Variants in ANKRD24 observed in about 807,000 individuals in gnomAD.
The protein encoded by ANKRD24 is ankyrin repeat domain 24, also known as ankyrin repeat domain-containing protein 24.
A neutral mutation model predicts 127.8 loss-of-function variants in ANKRD24; 109 were observed. The observed-to-expected ratio is 0.85, with a 90% CI of 0.73 to 1.00. ANKRD24 has a LOEUF of 1.00. Ranked by LOEUF, ANKRD24 falls within the 50% of genes least tolerant of loss-of-function variation. The probability of loss-of-function intolerance (pLI) is 0.00; values close to 1 mark genes in which losing one functional copy is unlikely to be tolerated. For missense variants in ANKRD24, 1,648 were observed against 1,570.2 expected (o/e 1.05, Z -0.84); for synonymous variants, 743 against 671.1 (o/e 1.11, Z -1.66).
rs909505206 is a variant in ANKRD24 at position 4,189,683 on chromosome 19, A to C, written c.36+3222A>C. 4.9e-4 allele frequency among the ~76,000 whole-genome samples: 74 copies of C among 151,928 alleles called. 1 individual carries two copies. The highest frequency in any genetic ancestry group is 3.2e-4 in the Non-Finnish European group (22 of 67,914). On this transcript the variant is annotated intron_variant, in intron 2 of 21. Coordinates refer to ENST00000318934, the MANE Select transcript of ANKRD24 (RefSeq NM_001393985.1). Reference sequence around the variant, plus strand: ...AGATGTGCAGTACTGTGCCCGGCTTATTTATTTTCATTTTTGTTGATTTTT... The same window carrying C: ...AGATGTGCAGTACTGTGCCCGGCTTCTTTATTTTCATTTTTGTTGATTTTT...
intron 2 of ANKRD24, among the ~76,000 whole-genome samples, chr19:4,193,834 C>CGGGT (rs1968524174): frequency 1.3e-5 from 1 of 78,350 alleles, no homozygotes; most frequent in Non-Finnish European, 2.2e-5. Context: ...GAGACTCCGT[C>CGGGT]GGGAGGGAGG....
intron 10 of ANKRD24, among the ~76,000 whole-genome samples, 172 bp from the exon 11 acceptor site, chr19:4,208,592 T>TTC (rs540340626): frequency 7.2e-4 from 110 of 152,086 alleles, no homozygotes; most frequent in African/African-American, 2.6e-3. Context: ...CTATCCTCTC[T>TTC]TTTTAACAGT....
chr19:4,223,675 C>G (rs1404983458), intron 20 of ANKRD24, among the ~76,000 whole-genome samples: 1 of 152,048 alleles, frequency 6.6e-6, no homozygotes. Context: ...AGCGATTCTC[C>G]TGCCTTAGCC....
At chr19:4,211,809 ATGAC>A (rs1242234169) in intron 13 of ANKRD24, among the ~76,000 whole-genome samples, 3 of 152,066 alleles carry the variant, frequency 2.0e-5, no homozygotes, top group East Asian at 1.9e-4. Flanking sequence ...TTAGAAATGA[ATGAC>A]TGGTCAGAAT....
rs568691812 is a variant in ANKRD24, at chr19:4,219,811, T to C, written c.3171+53T>C. 37 of 1,518,080 alleles carry C rather than the reference T, an allele frequency of 2.4e-5. 1 individual carries two copies. The Admixed American group carries it at 4.2e-4, about 17-fold the overall frequency. 94.0% of individuals were successfully genotyped at this position (1,518,080 alleles called of 1,614,324 possible). A position where few individuals can be genotyped will look rare whatever the true frequency, so the allele number is the denominator to read the frequency against. ...CAGGGAGGCATCCACTCAGCAAAGG[T>C]TGGGGCCAATCTACGAAGGTCCTCA... On this transcript the variant is annotated intron_variant, in intron 19 of 21. Coordinates refer to ENST00000318934, the MANE Select transcript of ANKRD24 (RefSeq NM_001393985.1).
chr19:4,190,287 C>T (rs1229435600), intron 2 of ANKRD24, among the ~76,000 whole-genome samples: 2 of 151,640 alleles, frequency 1.3e-5, no homozygotes, highest in African/African-American at 2.4e-5. Context: ...TACAAAAAAT[C>T]AGCCGGGCGT....
In ANKRD24 at chr19:4,217,634, CGGA is replaced by C. The variant is rs1037596372; in HGVS notation, c.2483_2485del (p.Glu828del). 1.2e-5 allele frequency: 16 copies of C among 1,284,702 alleles called. No individual in the cohort carries two copies. The African/African-American group carries it at 2.5e-4, about 20-fold the overall frequency. The allele number at this position is 1,284,702 out of a possible 1,614,324, so 79.6% of individuals were successfully genotyped here. ...GAGGCTCGGGCCAGCCGGCTGCTGGCGGAGGAGGAGGCGCGGGGCCTGCGGGCC... is the reference window on the plus strand; with the variant it reads ...GAGGCTCGGGCCAGCCGGCTGCTGGCGGAGGAGGCGCGGGGCCTGCGGGCC... On this transcript the variant is annotated inframe_deletion, in exon 18 of 22. Transcript: ENST00000318934.
At chr19:4,188,572 G>A (rs1186719127) in intron 2 of ANKRD24, among the ~76,000 whole-genome samples, 1 of 151,588 alleles carries the variant, frequency 6.6e-6, no homozygotes, top group Non-Finnish European at 1.5e-5. Flanking sequence ...TGTACAGATG[G>A]GGTGTAGCTG....
intron 1 of ANKRD24, among the ~76,000 whole-genome samples, chr19:4,185,348 G>A (rs1451929728): frequency 6.6e-6 from 1 of 152,196 alleles, no homozygotes; most frequent in South Asian, 2.1e-4. Flanking sequence ...TTAGGTGGGA[G>A]GATGGATGTC....
intron 20 of ANKRD24, 101 bp from the exon 21 acceptor site, chr19:4,224,026 A>G (rs1337110231): frequency 3.5e-6 from 3 of 857,684 alleles, no homozygotes; most frequent in East Asian, 2.6e-5. Context: ...GCAGTCGGCC[A>G]TCAACGTACA....
intron 20 of ANKRD24, among the ~76,000 whole-genome samples, chr19:4,223,357 A>G (rs962962650): frequency 2.1e-5 from 3 of 140,512 alleles, no homozygotes; most frequent in African/African-American, 8.2e-5. Context: ...CAACCTCCCA[A>G]AGTGCCTGGC....
chr19:4,208,835 T>A, intron 11 of ANKRD24, 34 bp downstream of exon 11: 1 of 1,604,036 alleles, frequency 6.2e-7, no homozygotes, highest in Non-Finnish European at 8.5e-7. Flanking sequence ...GAGCCCCTCC[T>A]CCCTGCATCC....
In ANKRD24 at chr19:4,216,931, G is replaced by A. The variant is rs556721192; in HGVS notation, c.1771G>A (p.Ala591Thr). 1.2e-6 allele frequency: 2 copies of A among 1,611,114 alleles called. No individual in the cohort carries two copies. The highest frequency in any genetic ancestry group is 1.7e-4 in the Middle Eastern group (1 of 6,058). ...ATGAEATGAE[A>T]TGAKVTETKP... Reference sequence around the variant, plus strand: ...GGGAGCCGAGGCCACGGGAGCTGAGGCCACAGGAGCCAAGGTCACAGAAAC... The same window carrying A: ...GGGAGCCGAGGCCACGGGAGCTGAGACCACAGGAGCCAAGGTCACAGAAAC... Residue 591 changes from alanine (A) to threonine (T), a missense_variant, in exon 18 of 22, where the codon GCC becomes ACC. By Grantham distance (58) the Ala-to-Thr change is moderately conservative. Coordinates refer to ENST00000318934, the MANE Select transcript of ANKRD24 (RefSeq NM_001393985.1).
At position 4,217,402 on chromosome 19, in the gene ANKRD24, G is replaced by C; in HGVS notation, c.2242G>C (p.Glu748Gln). The change falls in exon 18 of 22, where the codon GAG becomes CAG. Residue 748 changes from glutamate (E) to glutamine (Q), a missense_variant. Coordinates refer to ENST00000318934, the MANE Select transcript of ANKRD24 (RefSeq NM_001393985.1). ...QREREAAAEL[E>Q]AALGKCEAAE... ...GGAGCGGGAGGCAGCTGCGGAGCTG[G>C]AGGCGGCCCTGGGGAAGTGCGAGGC... 1 of 1,549,880 alleles carries C rather than the reference G, an allele frequency of 6.5e-7. No homozygotes were observed. The highest frequency in any genetic ancestry group is 1.2e-5 in the South Asian group (1 of 83,926).
intron 1 of ANKRD24, 114 bp downstream of exon 1, chr19:4,182,854 G>T (rs1967804791): frequency 1.7e-6 from 1 of 576,558 alleles, no homozygotes; most frequent in East Asian, 1.4e-4. Context: ...GGCTATCCAT[G>T]TCCCCACAAC....
At position 4,195,261 on chromosome 19, in the gene ANKRD24, A is replaced by G. The variant is rs1968653688; in HGVS notation, c.37-4422A>G. On this transcript the variant is annotated intron_variant, in intron 2 of 21. Coordinates refer to ENST00000318934, the MANE Select transcript of ANKRD24 (RefSeq NM_001393985.1). The surrounding 1 kb of genome is among the most constrained non-coding windows in gnomAD (Gnocchi z 4.2). The stretch of plus-strand genomic sequence containing the variant: ...CTAATTTTTTGTATTTTTAGTAGAG[A>G]CGGGGTTTTGCCACGTTGGTCAGGC... 6.6e-6 allele frequency among the ~76,000 whole-genome samples: 1 copy of G among 151,466 alleles called. No homozygotes were observed. Among genetic ancestry groups the G allele is most frequent in the Non-Finnish European group, 1.5e-5 (1 of 67,914 alleles).
At chr19:4,193,854 A>T (rs996944348) in intron 2 of ANKRD24, among the ~76,000 whole-genome samples, 12 of 40,846 alleles carry the variant, frequency 2.9e-4, no homozygotes, top group African/African-American at 5.8e-4. Context: ...GGAGGAAGGA[A>T]GGAAGGAAGG....
intron 21 of ANKRD24, 100 bp downstream of exon 21, chr19:4,224,292 G>A: frequency 7.0e-7 from 1 of 1,428,510 alleles, no homozygotes; most frequent in African/African-American, 1.4e-5. Context: ...GCTGGTCTGG[G>A]GAGAGGTTCG....
chr19:4,186,850 T>G (rs986083749), intron 2 of ANKRD24, among the ~76,000 whole-genome samples: 1 of 152,188 alleles, frequency 6.6e-6, no homozygotes, highest in Non-Finnish European at 1.5e-5. Context: ...TCAGCACATA[T>G]TTATATAGCA....
Sources: gnomAD v4.1 joint callset for allele counts (sites outside exome capture counted in the v4.1 genomes callset) on GRCh38, gnomAD v4.1.1 for gene constraint, Gnocchi (gnomAD v3.1) non-coding constraint, MANE v1.5 for transcripts, NCBI Gene and HGNC (gene_info 2026-07-23, HGNC 2026-07-21) for gene names.